Variants in RAB3C observed in about 807,000 individuals in gnomAD.
RAB3C encodes RAB3C, member RAS oncogene family.
Under a neutral mutation model 26.4 loss-of-function variants are expected in RAB3C, and 17 were observed. The observed-to-expected ratio is 0.64, with a 90% confidence interval of 0.44 to 0.97. RAB3C has a LOEUF of 0.97. RAB3C is among the 50% of genes least tolerant of loss of function. The pLI is 0.00. For missense variants in RAB3C, 242 were observed against 281.9 expected (o/e 0.86, Z 1.01); for synonymous variants, 91 against 95.9 (o/e 0.95, Z 0.30).
intron 3 of RAB3C, among the ~76,000 whole-genome samples, chr5:58,744,632 T>G (rs544495786): frequency 8.5e-5 from 13 of 152,222 alleles, no homozygotes; most frequent in African/African-American, 3.1e-4. Flanking sequence ...GTTTCTGAAC[T>G]TTGAAAGCTT....
intron 4 of RAB3C, among the ~76,000 whole-genome samples, chr5:58,833,071 A>T (rs1743652012): frequency 6.6e-6 from 1 of 152,246 alleles, no homozygotes; most frequent in Non-Finnish European, 1.5e-5. Flanking sequence ...CTGGAATAGT[A>T]CATTATATAA....
In RAB3C at chr5:58,844,802, A is replaced by G. The variant is rs544374682; in HGVS notation, c.497-6362A>G. Among the ~76,000 whole-genome samples, 9 of 152,334 alleles carry G rather than the reference A, an allele frequency of 5.9e-5. 1 individual carries two copies. In the East Asian group the frequency reaches 9.6e-4, roughly 16 times the overall value. On this transcript the variant is annotated intron_variant, in intron 4 of 4. Transcript: ENST00000282878. The stretch of plus-strand genomic sequence containing the variant: ...TGACTTTAGTGGCTATTTCCTCTCT[A>G]CAGAAAAAAAAATATCACTTGTGAT...
At chr5:58,727,035 G>C (rs1279808721) in intron 3 of RAB3C, among the ~76,000 whole-genome samples, 1 of 151,948 alleles carries the variant, frequency 6.6e-6, no homozygotes, top group African/African-American at 2.4e-5. Context: ...ACTGACTGAA[G>C]AAATACCGCA....
At chr5:58,675,686 C>CAGT (rs898381225) in intron 2 of RAB3C, among the ~76,000 whole-genome samples, 1 of 142,148 alleles carries the variant, frequency 7.0e-6, no homozygotes, top group African/African-American at 2.6e-5. Context: ...AAACCCAAAT[C>CAGT]AGTAGCACTC....
intron 2 of RAB3C, among the ~76,000 whole-genome samples, chr5:58,639,119 G>A (rs910390247): frequency 2.6e-5 from 4 of 152,142 alleles, no homozygotes; most frequent in South Asian, 4.1e-4. Flanking sequence ...TCCCTCTTTC[G>A]AATGGACAAT....
At chr5:58,687,641 A>G (rs1748472511) in intron 2 of RAB3C, among the ~76,000 whole-genome samples, 1 of 152,124 alleles carries the variant, frequency 6.6e-6, no homozygotes, top group Non-Finnish European at 1.5e-5. Context: ...ATTGAGATAC[A>G]AGGCAAAAAA....
At chr5:58,601,092 A>G (rs2111685447) in intron 1 of RAB3C, among the ~76,000 whole-genome samples, 1 of 152,232 alleles carries the variant, frequency 6.6e-6, no homozygotes, top group South Asian at 2.1e-4. Context: ...TCCTTCATCT[A>G]TTGAGACCAT....
chr5:58,747,949 A>T lies in RAB3C; in HGVS notation c.371+21829A>T, dbSNP rs564170552. 7.9e-5 allele frequency among the ~76,000 whole-genome samples: 12 copies of T among 152,214 alleles called. No individual in the cohort carries two copies. In the South Asian group the frequency reaches 2.3e-3, roughly 29 times the overall value. ...TTAGGCATTTAAATAGTACATTTAG[A>T]GTCGTCTTTGGGGAAAAGAAAAAAG... On this transcript the variant is annotated intron_variant, in intron 3 of 4. Coordinates refer to ENST00000282878, the MANE Select transcript of RAB3C (RefSeq NM_138453.4).
intron 3 of RAB3C, 33 bp from the exon 4 acceptor site, chr5:58,825,005 C>A: frequency 6.6e-7 from 1 of 1,512,632 alleles, no homozygotes; most frequent in Non-Finnish European, 9.1e-7. Flanking sequence ...CTGCTTTCCT[C>A]TGATTGTGTC....
intron 2 of RAB3C, among the ~76,000 whole-genome samples, chr5:58,685,488 A>G (rs1748427000): frequency 1.3e-5 from 2 of 152,242 alleles, no homozygotes; most frequent in Middle Eastern, 6.8e-3. Flanking sequence ...ATAACTCTCC[A>G]TCTCAAGATC....
chr5:58,706,866 G>A (rs746866430), intron 2 of RAB3C, among the ~76,000 whole-genome samples: 14 of 152,096 alleles, frequency 9.2e-5, no homozygotes, highest in East Asian at 7.7e-4. Context: ...CATTTTTACC[G>A]TTGAGACAAA....
At chr5:58,714,959 C>T (rs1019671676) in intron 2 of RAB3C, among the ~76,000 whole-genome samples, 2 of 151,814 alleles carry the variant, frequency 1.3e-5, no homozygotes, top group African/African-American at 4.8e-5. Context: ...GATTCTGATC[C>T]ACTGTATCAA....
chr5:58,625,974 C>A (rs535228669), intron 2 of RAB3C, among the ~76,000 whole-genome samples: 1 of 151,998 alleles, frequency 6.6e-6, no homozygotes. Context: ...CCAATTAAAT[C>A]TTTTAATGAA....
chr5:58,752,254 T>C (rs1741547006), intron 3 of RAB3C, among the ~76,000 whole-genome samples: 2 of 152,152 alleles, frequency 1.3e-5, no homozygotes, highest in African/African-American at 4.8e-5. Context: ...CACAAAATAC[T>C]ACTTCTATAA....
At chr5:58,599,564 C>T (rs1277340221) in intron 1 of RAB3C, among the ~76,000 whole-genome samples, 1 of 152,138 alleles carries the variant, frequency 6.6e-6, no homozygotes, top group Non-Finnish European at 1.5e-5. Context: ...GGGCTATCTC[C>T]ACTCTGGGAA....
chr5:58,782,452 A>G (rs1285300941), intron 3 of RAB3C, among the ~76,000 whole-genome samples: 5 of 152,182 alleles, frequency 3.3e-5, no homozygotes. Context: ...GTATTTAAGT[A>G]GTATCTCCAA....
At chr5:58,597,093 A>ATATATATTATATAATATATATAATGCATT (rs1561260549) in intron 1 of RAB3C, among the ~76,000 whole-genome samples, 7 of 18,408 alleles carry the variant, frequency 3.8e-4, no homozygotes, top group African/African-American at 6.2e-4. Flanking sequence ...TATAATACAT[A>ATATATATTATATAATATATATAATGCATT]ATATATATTA....
chr5:58,694,608 T>G (rs1748652095), intron 2 of RAB3C, among the ~76,000 whole-genome samples: 1 of 152,220 alleles, frequency 6.6e-6, no homozygotes, highest in South Asian at 2.1e-4. Context: ...GTTTCCTGAC[T>G]TTTTAGTGAT....
intron 2 of RAB3C, among the ~76,000 whole-genome samples, chr5:58,706,627 A>G (rs779660707): frequency 4.0e-4 from 61 of 152,122 alleles, no homozygotes; most frequent in Middle Eastern, 3.4e-3. Context: ...GCCTTCCAAT[A>G]CCTCATTTTT....
Sources: allele counts gnomAD v4.1 joint callset (sites outside exome capture counted in the v4.1 genomes callset), GRCh38; gene constraint gnomAD v4.1.1; transcripts MANE v1.5; gene names NCBI Gene and HGNC (gene_info 2026-07-23, HGNC 2026-07-21).